SGCZ: variants seen among roughly 807,000 people sequenced by gnomAD.
SGCZ encodes the protein zeta-sarcoglycan.
A neutral mutation model predicts 41.3 loss-of-function variants in SGCZ; 40 were observed. The ratio of observed to expected loss-of-function variants is 0.97; its 90% confidence interval spans 0.75 to 1.26. The LOEUF (loss-of-function observed/expected upper bound fraction) is 1.26, where lower values mean the gene tolerates loss of function less well. Among genes scored for constraint, SGCZ ranks in the 50% most tolerant of loss-of-function variants. The probability of loss-of-function intolerance (pLI) is 0.00; values close to 1 mark genes in which losing one functional copy is unlikely to be tolerated. For synonymous variants in SGCZ, 206 were observed against 137.5 expected (o/e 1.50, Z -3.49); for missense variants, 552 against 369.8 (o/e 1.49, Z -4.04).
At chr8:14,948,356 T>C (rs1800522086) in intron 1 of SGCZ, among the ~76,000 whole-genome samples, 1 of 152,086 alleles carries the variant, frequency 6.6e-6, no homozygotes, top group South Asian at 2.1e-4. Flanking sequence ...CAGGAGGCCA[T>C]CCAAGTCCTA....
intron 1 of SGCZ, among the ~76,000 whole-genome samples, chr8:15,226,456 A>C (rs570227100): frequency 2.4e-4 from 37 of 152,262 alleles, no homozygotes; most frequent in African/African-American, 8.7e-4. Context: ...TTTTTTCACC[A>C]AACTGAACAT....
At chr8:14,422,329 G>A (rs1198873411) in intron 2 of SGCZ, among the ~76,000 whole-genome samples, 2 of 152,148 alleles carry the variant, frequency 1.3e-5, no homozygotes, top group East Asian at 3.9e-4. Context: ...ATTTTAAGTT[G>A]ACTATACAAT....
chr8:14,299,671 G>C (rs1402604257), intron 3 of SGCZ, among the ~76,000 whole-genome samples: 1 of 151,784 alleles, frequency 6.6e-6, no homozygotes, highest in South Asian at 2.1e-4. Flanking sequence ...GTGTTGGCAA[G>C]GTTGTAGAGC....
At chr8:14,257,911 G>GAT (rs1288291949) in intron 3 of SGCZ, among the ~76,000 whole-genome samples, 4 of 152,092 alleles carry the variant, frequency 2.6e-5, no homozygotes, top group African/African-American at 9.7e-5. Flanking sequence ...GAAAGATATA[G>GAT]ATATAGATAT....
intron 1 of SGCZ, among the ~76,000 whole-genome samples, chr8:15,226,114 T>G (rs1801763384): frequency 6.6e-6 from 1 of 152,178 alleles, no homozygotes; most frequent in Non-Finnish European, 1.5e-5. Flanking sequence ...CTGAGTACAT[T>G]GAGTACTAAT....
At chr8:14,539,172 G>T (rs955021276) in intron 2 of SGCZ, among the ~76,000 whole-genome samples, 1 of 151,942 alleles carries the variant, frequency 6.6e-6, no homozygotes, top group East Asian at 1.9e-4. Context: ...ATTATCTTCG[G>T]ACTGGAACTA....
chr8:14,228,904 C>A (rs377302917), intron 4 of SGCZ, among the ~76,000 whole-genome samples: 2 of 152,092 alleles, frequency 1.3e-5, no homozygotes, highest in Non-Finnish European at 2.9e-5. Context: ...AGATTAGCTA[C>A]CCTTGGTCTT....
At chr8:15,008,936 C>T (rs184028579) in intron 1 of SGCZ, among the ~76,000 whole-genome samples, 27 of 152,202 alleles carry the variant, frequency 1.8e-4, no homozygotes, top group East Asian at 7.7e-4. Context: ...TGGTTAATAA[C>T]ATACACAAAC....
chr8:14,398,501 G>A (rs1241039366), intron 2 of SGCZ, among the ~76,000 whole-genome samples: 1 of 152,102 alleles, frequency 6.6e-6, no homozygotes, highest in African/African-American at 2.4e-5. Flanking sequence ...TTATTTTGTT[G>A]AATAAAGAAG....
At chr8:15,159,444 T>C (rs566821433) in intron 1 of SGCZ, among the ~76,000 whole-genome samples, 2 of 152,162 alleles carry the variant, frequency 1.3e-5, no homozygotes, top group Non-Finnish European at 2.9e-5. Flanking sequence ...TTCCTGAGGC[T>C]TGGGCTTGTG....
chr8:14,895,899 C>T (rs1805178068), intron 1 of SGCZ, among the ~76,000 whole-genome samples: 1 of 152,070 alleles, frequency 6.6e-6, no homozygotes, highest in Admixed American at 6.5e-5. Context: ...ATTAGAAGTT[C>T]TTCTGGTATT....
chr8:14,567,154 C>A (rs550753577), intron 1 of SGCZ, among the ~76,000 whole-genome samples: 69 of 152,328 alleles, frequency 4.5e-4, no homozygotes, highest in Non-Finnish European at 7.5e-4. Flanking sequence ...CGTCGGAGCC[C>A]CCCCAGGGAG....
At chr8:14,331,926 T>G (rs958475526) in intron 2 of SGCZ, among the ~76,000 whole-genome samples, 7 of 151,874 alleles carry the variant, frequency 4.6e-5, no homozygotes, top group African/African-American at 1.7e-4. Flanking sequence ...CAGGGAAATA[T>G]GTATTCATAC....
At chr8:14,339,115 T>G (rs1802609396) in intron 2 of SGCZ, among the ~76,000 whole-genome samples, 1 of 152,074 alleles carries the variant, frequency 6.6e-6, no homozygotes, top group Non-Finnish European at 1.5e-5. Flanking sequence ...TTCTCCAGAG[T>G]GTTCTATTAA....
intron 1 of SGCZ, among the ~76,000 whole-genome samples, chr8:15,075,883 T>A (rs1254541142): frequency 6.6e-6 from 1 of 151,926 alleles, no homozygotes; most frequent in Non-Finnish European, 1.5e-5. Context: ...CATCAGTGAA[T>A]CACTGATAAG....
intron 1 of SGCZ, among the ~76,000 whole-genome samples, chr8:15,033,398 C>A (rs1378709648): frequency 6.6e-6 from 1 of 151,498 alleles, no homozygotes; most frequent in African/African-American, 2.4e-5. Context: ...CCCTAGTAGC[C>A]CCAGACTAGT....
intron 4 of SGCZ, among the ~76,000 whole-genome samples, chr8:14,219,694 C>T (rs1806124432): frequency 6.6e-6 from 1 of 152,006 alleles, no homozygotes; most frequent in African/African-American, 2.4e-5. Context: ...TTGCAGTGAG[C>T]CGAGATCGCA....
At chr8:14,528,485 T>A (rs1803020708) in intron 2 of SGCZ, among the ~76,000 whole-genome samples, 1 of 152,060 alleles carries the variant, frequency 6.6e-6, no homozygotes, top group Admixed American at 6.6e-5. Context: ...ACCAAATAAA[T>A]GCCATAAAAA....
intron 2 of SGCZ, among the ~76,000 whole-genome samples, chr8:14,508,885 G>C (rs545836680): frequency 6.6e-6 from 1 of 152,126 alleles, no homozygotes; most frequent in Non-Finnish European, 1.5e-5. Flanking sequence ...AGTGAAATTA[G>C]GATTAACTAA....
Sources: gnomAD v4.1 joint callset for allele counts (sites outside exome capture counted in the v4.1 genomes callset) on GRCh38, gnomAD v4.1.1 for gene constraint, MANE v1.5 for transcripts, NCBI Gene and HGNC (gene_info 2026-07-23, HGNC 2026-07-21) for gene names.